The following PCID2 variants were observed in gnomAD, a reference collection of about 807,000 sequenced individuals.
The protein encoded by PCID2 is PCI domain containing 2.
Under a neutral mutation model 61.3 loss-of-function variants are expected in PCID2, and 41 were observed. That is an observed-to-expected ratio of 0.67 (90% CI 0.52 to 0.87). The LOEUF (loss-of-function observed/expected upper bound fraction) is 0.87. Ranked by LOEUF, PCID2 falls within the 40% of genes least tolerant of loss-of-function variation. PCID2 has a pLI of 0.00. For synonymous variants in PCID2, 187 were observed against 177.8 expected (o/e 1.05, Z -0.41); for missense variants, 392 against 493.4 (o/e 0.79, Z 1.95).
intron 1 of PCID2, among the ~76,000 whole-genome samples, chr13:113,202,713 A>G (rs773619009): frequency 6.6e-6 from 1 of 152,220 alleles, no homozygotes; most frequent in Non-Finnish European, 1.5e-5. Context: ...TGTCACATGT[A>G]CATCCCAAAA....
chr13:113,183,066 A>G (rs949176619), intron 9 of PCID2, among the ~76,000 whole-genome samples: 19 of 152,224 alleles, frequency 1.2e-4, no homozygotes, highest in African/African-American at 2.4e-5. Context: ...GGGCTCTAGG[A>G]ATTCCTAGCA....
At chr13:113,181,443 G>A (rs2037627128) in intron 9 of PCID2, among the ~76,000 whole-genome samples, 1 of 152,244 alleles carries the variant, frequency 6.6e-6, no homozygotes, top group Non-Finnish European at 1.5e-5. Flanking sequence ...TGCCTGGGAA[G>A]TCCTACTTAA....
the PCID2 span, among the ~76,000 whole-genome samples, chr13:113,168,841 A>C: frequency 6.6e-6 from 1 of 151,912 alleles, no homozygotes; most frequent in Non-Finnish European, 1.5e-5. Context: ...TGATCCTCCC[A>C]CCTCAGCGTC....
intron 6 of PCID2, among the ~76,000 whole-genome samples, chr13:113,193,542 T>G (rs1482458168): frequency 6.6e-6 from 1 of 152,198 alleles, no homozygotes; most frequent in Admixed American, 6.5e-5. Context: ...TCTTAGTATT[T>G]TGTTTTGGAA....
chr13:113,200,430 A>G lies in PCID2; in HGVS notation c.123T>C (p.Leu41=). The G allele has an allele frequency of 6.3e-7, 1 of 1,597,138 alleles. No individual in the cohort carries two copies. The highest frequency in any genetic ancestry group is 8.6e-7 in the Non-Finnish European group (1 of 1,164,482). The change falls in exon 2 of 14, where the codon CTT becomes CTC. Residue 41 remains leucine (L), a synonymous_variant. Transcript: ENST00000337344. The stretch of plus-strand genomic sequence containing the variant: ...TGTGCACAGCTCTTTCACCTACTTG[A>G]AGTCGTGGGTTTGCAACATGAGGAT... ...FKHPHVANPR[L]QMASPEEKCQ... is the part of the protein sequence containing the mutation.
In PCID2 at chr13:113,179,104, GAGA is replaced by G. The variant is rs2037381811; in HGVS notation, c.987-18_987-16del. 2 of 1,611,496 alleles carry G rather than the reference GAGA, an allele frequency of 1.2e-6. No individual in the cohort carries two copies. The highest frequency in any genetic ancestry group is 8.5e-7 in the Non-Finnish European group (1 of 1,178,724). ...GTAACAAATACCTGGAAGAGGGGAG[GAGA>G]AGGGCACTGTGGTTACCGACAGGAT... On this transcript the variant is annotated splice_polypyrimidine_tract_variant and intron_variant, in intron 12 of 13. Transcript: ENST00000337344. The surrounding 1 kb of genome is among the most constrained non-coding windows in gnomAD (Gnocchi z 4.3).
chr13:113,176,689 G>A (rs561904164), downstream of PCID2, among the ~76,000 whole-genome samples: 7 of 152,308 alleles, frequency 4.6e-5, no homozygotes, highest in South Asian at 4.1e-4. Flanking sequence ...CTTGAGTCTC[G>A]GAGGTCGAGG....
At chr13:113,208,478 C>G in intron 1 of PCID2, 121 bp downstream of exon 1, 2 of 1,535,812 alleles carry the variant, frequency 1.3e-6, no homozygotes, top group Middle Eastern at 1.8e-4. Flanking sequence ...GCCGGGGACC[C>G]GAACGGAAGA....
chr13:113,200,807 C>T (rs1244796170), intron 1 of PCID2: 3 of 266,450 alleles, frequency 1.1e-5, no homozygotes, highest in African/African-American at 2.5e-5. Flanking sequence ...ATAGGTTGTT[C>T]CTGGCTGGCT....
chr13:113,179,112 CA>C lies in PCID2; in HGVS notation c.987-24del. 1 of 1,608,228 alleles carries C rather than the reference CA, an allele frequency of 6.2e-7. No homozygotes were observed. The highest frequency in any genetic ancestry group is 8.5e-7 in the Non-Finnish European group (1 of 1,177,046). On this transcript the variant is annotated intron_variant, in intron 12 of 13. Coordinates refer to ENST00000337344, the MANE Select transcript of PCID2 (RefSeq NM_001127202.4). This position sits in a 1 kb window ranked among gnomAD's most constrained non-coding sequence, Gnocchi z 4.3. ...TACCTGGAAGAGGGGAGGAGAAGGGCACTGTGGTTACCGACAGGATGCAATA... is the reference window on the plus strand; with the variant it reads ...TACCTGGAAGAGGGGAGGAGAAGGGCCTGTGGTTACCGACAGGATGCAATA...
intron 4 of PCID2, among the ~76,000 whole-genome samples, chr13:113,196,800 C>T (rs970694611): frequency 2.0e-5 from 3 of 152,174 alleles, no homozygotes; most frequent in East Asian, 1.9e-4. Context: ...AATTCAATGC[C>T]GATGTACATC....
rs1013097232 is a variant in PCID2, at chr13:113,179,670, G to A, written c.986+247C>T. Among the ~76,000 whole-genome samples the A allele has an allele frequency of 6.6e-6, 1 of 152,198 alleles. No homozygotes were observed. The highest frequency in any genetic ancestry group is 1.5e-5 in the Non-Finnish European group (1 of 68,044). On this transcript the variant is annotated intron_variant, in intron 12 of 13. Transcript: ENST00000337344. The surrounding 1 kb of genome is among the most constrained non-coding windows in gnomAD (Gnocchi z 4.3). ...CGGCTCTCAGGGCTGATGTTCTCAA[G>A]TTGTCTTCTCACATAGAACCTGCTT...
chr13:113,194,368 G>C (rs886906053), intron 6 of PCID2, among the ~76,000 whole-genome samples: 6 of 152,120 alleles, frequency 3.9e-5, no homozygotes, highest in African/African-American at 1.4e-4. Context: ...GCCCAGTCCA[G>C]GACAGACAGG....
chr13:113,176,191 A>G (rs117068215), downstream of PCID2, among the ~76,000 whole-genome samples: 1 of 152,380 alleles, frequency 6.6e-6, no homozygotes, highest in Non-Finnish European at 1.5e-5. Flanking sequence ...CACTTTGTAG[A>G]ATAGCCTCTC....
chr13:113,181,866 C>T (rs2037667446), intron 9 of PCID2, among the ~76,000 whole-genome samples: 1 of 152,196 alleles, frequency 6.6e-6, no homozygotes, highest in Non-Finnish European at 1.5e-5. Flanking sequence ...AACTGCACGA[C>T]AGGCCTGCAA....
the PCID2 span, among the ~76,000 whole-genome samples, chr13:113,167,558 CCT>C: frequency 1.3e-5 from 2 of 152,180 alleles, no homozygotes; most frequent in African/African-American, 4.8e-5. Flanking sequence ...TCTAAAATCC[CCT>C]TTGTCTGATA....
chr13:113,178,381 T>G, intron 13 of PCID2, 94 bp from the exon 14 acceptor site: 1 of 880,010 alleles, frequency 1.1e-6, no homozygotes, highest in Non-Finnish European at 1.9e-6. Context: ...ATTAGCATTC[T>G]TCCCCAAGAG....
chr13:113,191,409 T>C (rs2038605673), intron 6 of PCID2, among the ~76,000 whole-genome samples: 1 of 152,164 alleles, frequency 6.6e-6, no homozygotes, highest in Non-Finnish European at 1.5e-5. Context: ...AGAAATCAGC[T>C]AGCATGTACT....
In PCID2 at chr13:113,208,629, C is replaced by A. The variant is rs115957258; in HGVS notation, c.6G>T (p.Ala2=). M[A]HITINQYLQQ... is the part of the protein sequence containing the mutation. ...GCAGGTACTGGTTAATGGTAATGTG[C>A]GCCATGGGAGCGCCGCCGAACGGAG... Residue 2 remains alanine, a synonymous_variant, in exon 1 of 14, where the codon GCG becomes GCT. Coordinates refer to ENST00000337344, the MANE Select transcript of PCID2 (RefSeq NM_001127202.4). 1.9e-6 allele frequency: 3 copies of A among 1,607,940 alleles called. No individual in the cohort carries two copies. The highest frequency in any genetic ancestry group is 2.5e-6 in the Non-Finnish European group (3 of 1,177,798).
Sources: gnomAD v4.1 joint callset for allele counts (sites outside exome capture counted in the v4.1 genomes callset) on GRCh38, gnomAD v4.1.1 for gene constraint, Gnocchi (gnomAD v3.1) non-coding constraint, MANE v1.5 for transcripts, NCBI Gene and HGNC (gene_info 2026-07-23, HGNC 2026-07-21) for gene names.